BIRC6: variants seen among roughly 807,000 people sequenced by gnomAD.
BIRC6 encodes the protein dual E2 ubiquitin-conjugating enzyme/E3 ubiquitin-protein ligase BIRC6.
A neutral mutation model predicts 503.3 loss-of-function variants in BIRC6; 98 were observed. The observed-to-expected ratio is 0.19, with a 90% confidence interval of 0.17 to 0.23. BIRC6 has a LOEUF of 0.23. Ranked by LOEUF, BIRC6 falls within the 10% of genes least tolerant of loss-of-function variation. The pLI is 1.00. For missense variants in BIRC6, 5,360 were observed against 5,806.0 expected (o/e 0.92, Z 2.50); for synonymous variants, 2,240 against 2,078.7 (o/e 1.08, Z -2.11).
intron 37 of BIRC6, among the ~76,000 whole-genome samples, chr2:32,479,934 C>T (rs1307997737): frequency 1.3e-5 from 2 of 151,986 alleles, no homozygotes; most frequent in Non-Finnish European, 2.9e-5. Context: ...CTTTAAGATC[C>T]AGCATGTGAT....
At chr2:32,410,223 A>G (rs1266531494) in intron 9 of BIRC6, among the ~76,000 whole-genome samples, 1 of 152,218 alleles carries the variant, frequency 6.6e-6, no homozygotes, top group Non-Finnish European at 1.5e-5. Flanking sequence ...TTATTGTGGT[A>G]TAGTACATGT....
Position 32,510,559 on chromosome 2 carries a change from A to G in BIRC6, c.10271A>G (p.Asn3424Ser), listed in dbSNP as rs2054285983. Residue 3424 changes from asparagine to serine, a missense_variant, in exon 53 of 74, where the codon AAT becomes AGT. Physicochemically the swap from Asn to Ser is conservative, Grantham distance 46. This residue lies in a region of BIRC6 where 878 missense variants were observed against 928.9 expected (regional missense o/e 0.95). Transcript: ENST00000421745. ...AGTCCTTTACTTTTTGGAAGACTAA[A>G]TGGACTCTCTTCTGACTCTACGATA... ...LNSPLLFGRL[N>S]GLSSDSTIDI... 1.9e-6 allele frequency: 3 copies of G among 1,609,152 alleles called. No individual in the cohort carries two copies. The highest frequency in any genetic ancestry group is 2.6e-6 in the Non-Finnish European group (3 of 1,175,602).
chr2:32,520,397 T>C (rs181037005), intron 57 of BIRC6, among the ~76,000 whole-genome samples: 21 of 152,314 alleles, frequency 1.4e-4, no homozygotes, highest in Non-Finnish European at 2.4e-4. Flanking sequence ...TTAAAAAAAA[T>C]TTATTTGAAA....
rs1259387791 is a variant in BIRC6 at position 32,501,908 on chromosome 2, A to C, written c.9207+20A>C. ...AGACAAGTAAGTTCAAGCCAACAAC[A>C]GTTGCAGTGATTCAAATAAATTTAT... On this transcript the variant is annotated intron_variant, in intron 47 of 73. Coordinates refer to ENST00000421745, the MANE Select transcript of BIRC6 (RefSeq NM_016252.4). The C allele has an allele frequency of 6.4e-7, 1 of 1,572,620 alleles. No homozygotes were observed. The highest frequency in any genetic ancestry group is 1.4e-5 in the African/African-American group (1 of 72,814).
At chr2:32,597,675 C>T (rs2061762742) in intron 68 of BIRC6, 76 bp from the exon 69 acceptor site, 1 of 1,045,892 alleles carries the variant, frequency 9.6e-7, no homozygotes, top group African/African-American at 1.6e-5. Flanking sequence ...GGGAGAAGGA[C>T]TAGTGATTGT....
Position 32,575,189 on chromosome 2 carries a change from G to A in BIRC6, c.13178G>A (p.Arg4393Gln), listed in dbSNP as rs772626434. Residue 4393 changes from arginine to glutamine, a missense_variant, in exon 66 of 74, where the codon CGG becomes CAG. Transcript: ENST00000421745. The part of the protein sequence containing the change: ...LDMARHVPLY[R>Q]ALLELLRAIA... ...ATGGCAAGACATGTGCCACTCTATC[G>A]GGCACTGCTGGAATTGCTTCGGGCC... 105 of 1,613,620 alleles carry A rather than the reference G, an allele frequency of 6.5e-5. 1 individual carries two copies. The South Asian group carries it at 8.3e-4, about 13-fold the overall frequency.
chr2:32,493,501 C>T (rs768002179), intron 44 of BIRC6, 39 bp from the exon 45 acceptor site: 3 of 1,534,954 alleles, frequency 2.0e-6, no homozygotes, highest in Non-Finnish European at 2.7e-6. Flanking sequence ...TTACATGTTA[C>T]CAGTAAGCAG....
At chr2:32,470,964 G>A (rs887264814) in intron 31 of BIRC6, 50 bp from the exon 32 acceptor site, 10 of 1,530,680 alleles carry the variant, frequency 6.5e-6, no homozygotes, top group Non-Finnish European at 8.8e-6. Context: ...ATCTAATTAG[G>A]AATCCTAAAG....
intron 33 of BIRC6, among the ~76,000 whole-genome samples, chr2:32,474,761 G>A (rs1365813329): frequency 6.6e-6 from 1 of 152,054 alleles, no homozygotes; most frequent in Non-Finnish European, 1.5e-5. Context: ...ATACGTTAAT[G>A]GTAGAACTTT....
chr2:32,450,601 A>C (rs1257485583), intron 22 of BIRC6, among the ~76,000 whole-genome samples: 1 of 152,178 alleles, frequency 6.6e-6, no homozygotes, highest in Non-Finnish European at 1.5e-5. Flanking sequence ...CATTCATGAT[A>C]CTTATATCTT....
At chr2:32,475,556 A>G (rs2049657720) in intron 33 of BIRC6, among the ~76,000 whole-genome samples, 1 of 152,244 alleles carries the variant, frequency 6.6e-6, no homozygotes, top group East Asian at 1.9e-4. Context: ...AGTGTATCCA[A>G]CTAAATACGT....
intron 65 of BIRC6, among the ~76,000 whole-genome samples, chr2:32,570,135 A>G (rs2059820865): frequency 6.6e-6 from 1 of 152,026 alleles, no homozygotes; most frequent in Non-Finnish European, 1.5e-5. Flanking sequence ...CAATTTTATC[A>G]CATGCTTTTT....
intron 1 of BIRC6, among the ~76,000 whole-genome samples, chr2:32,360,296 A>G (rs2033855943): frequency 6.6e-6 from 1 of 152,214 alleles, no homozygotes; most frequent in African/African-American, 2.4e-5. Context: ...GTGAATTTTT[A>G]ACTATGACTA....
At chr2:32,593,749 A>C (rs2061518801) in intron 66 of BIRC6, among the ~76,000 whole-genome samples, 166 bp from the exon 67 acceptor site, 1 of 152,184 alleles carries the variant, frequency 6.6e-6, no homozygotes, top group African/African-American at 2.4e-5. Context: ...TAGAAGGGAA[A>C]ACCTACCCAT....
intron 51 of BIRC6, among the ~76,000 whole-genome samples, chr2:32,509,444 G>A (rs1281354695): frequency 6.6e-6 from 1 of 152,004 alleles, no homozygotes; most frequent in African/African-American, 2.4e-5. Context: ...TAGTAGATAA[G>A]GGGTTTCACC....
intron 46 of BIRC6, 54 bp from the exon 47 acceptor site, chr2:32,501,659 C>T: frequency 6.8e-7 from 1 of 1,472,476 alleles, no homozygotes; most frequent in Non-Finnish European, 9.2e-7. Context: ...GCATGAGCCA[C>T]TGCGCCTGGC....
chr2:32,477,014 T>C (rs1284432377), intron 34 of BIRC6, among the ~76,000 whole-genome samples: 4 of 152,210 alleles, frequency 2.6e-5, no homozygotes, highest in Non-Finnish European at 5.9e-5. Flanking sequence ...TACTTGATGT[T>C]ATATTAGTTT....
chr2:32,361,692 C>T (rs2034116041), intron 1 of BIRC6, among the ~76,000 whole-genome samples: 1 of 152,072 alleles, frequency 6.6e-6, no homozygotes, highest in African/African-American at 2.4e-5. Context: ...CTTCCTTTTC[C>T]CCCCAACTGT....
chr2:32,388,969 CAGTG>C, intron 4 of BIRC6, 26 bp downstream of exon 4: 1 of 1,335,120 alleles, frequency 7.5e-7, no homozygotes, highest in Non-Finnish European at 9.8e-7. Flanking sequence ...ACAAAGGTGA[CAGTG>C]AGATAGAATT....
Sources: gnomAD v4.1 joint callset for allele counts (sites outside exome capture counted in the v4.1 genomes callset) on GRCh38, gnomAD v4.1.1 for gene constraint, gnomAD v4.1.1 regional missense constraint, MANE v1.5 for transcripts, NCBI Gene and HGNC (gene_info 2026-07-23, HGNC 2026-07-21) for gene names.